Variants in KRT6B observed in about 807,000 individuals in gnomAD.
KRT6B encodes keratin 6B.
A neutral mutation model predicts 44.7 loss-of-function variants in KRT6B; 29 were observed. The observed-to-expected ratio is 0.65, with a 90% CI of 0.48 to 0.88. The LOEUF (loss-of-function observed/expected upper bound fraction) is 0.88, where lower values mean the gene tolerates loss of function less well. KRT6B is among the 40% of genes least tolerant of loss of function. KRT6B has a pLI of 0.00. For missense variants in KRT6B, 600 were observed against 724.0 expected, an observed-to-expected ratio of 0.83 and a Z score of 1.97; for synonymous variants, 213 against 296.0, an observed-to-expected ratio of 0.72 and a Z score of 2.88.
intron 3 of KRT6B, 63 bp downstream of exon 3, chr12:52,449,948 GC>G: frequency 6.2e-7 from 1 of 1,613,880 alleles, no homozygotes; most frequent in Non-Finnish European, 8.5e-7. Context: ...TCCCAGGGGA[GC>G]GAGGACACAG....
intron 4 of KRT6B, 58 bp from the exon 5 acceptor site, chr12:52,449,691 G>A (rs1343235859): frequency 1.9e-6 from 3 of 1,614,172 alleles, no homozygotes; most frequent in Non-Finnish European, 2.5e-6. Context: ...GAGATGCCCA[G>A]CCCTGTACAT....
At chr12:52,447,480 G>T in intron 8 of KRT6B, 55 bp from the exon 9 acceptor site, 1 of 1,614,026 alleles carries the variant, frequency 6.2e-7, no homozygotes, top group Admixed American at 1.7e-5. Flanking sequence ...CATCCTGCCG[G>T]CCTGAGCCCA....
chr12:52,450,979 G>A (rs71455205), intron 1 of KRT6B, among the ~76,000 whole-genome samples: 160 of 151,804 alleles, frequency 1.1e-3, no homozygotes, highest in African/African-American at 3.4e-3. Context: ...TAGTTAGGAG[G>A]GATATTAGAT....
Position 52,448,984 on chromosome 12 carries a change from G to A in KRT6B, c.1078-17C>T, listed in dbSNP as rs764173617. 1.6e-5 allele frequency: 25 copies of A among 1,610,752 alleles called. No individual in the cohort carries two copies. The South Asian group carries it at 2.5e-4, about 16-fold the overall frequency. On this transcript the variant is annotated splice_polypyrimidine_tract_variant and intron_variant, in intron 5 of 8. Transcript: ENST00000252252. ...CTCCTCGTACTGCAGCCCAGAGGTG[G>A]AGAGAGAGACAGTGTCTACGGGTTC... is the stretch of plus-strand genomic sequence containing the variant.
At chr12:52,451,486 C>T (rs1247117227) in intron 1 of KRT6B, 53 bp downstream of exon 1, 36 of 1,613,222 alleles carry the variant, frequency 2.2e-5, no homozygotes, top group East Asian at 6.7e-5. Context: ...AGGTGTTGCT[C>T]TTCTGGTCTG....
In KRT6B at chr12:52,447,772, A is replaced by G; in HGVS notation, c.1424+6T>C. Reference sequence around the variant, plus strand: ...GCTGTTGGAGGAAGTCGCGTCAGTTACCCACCTGCACTCCTCGCCCTCCAG... The same window carrying G: ...GCTGTTGGAGGAAGTCGCGTCAGTTGCCCACCTGCACTCCTCGCCCTCCAG... On this transcript the variant is annotated splice_donor_region_variant and intron_variant, in intron 7 of 8. Coordinates refer to ENST00000252252, the MANE Select transcript of KRT6B (RefSeq NM_005555.4). 2 of 1,614,170 alleles carry G rather than the reference A, an allele frequency of 1.2e-6. No individual in the cohort carries two copies. Among genetic ancestry groups the G allele is most frequent in the Non-Finnish European group, 1.7e-6 (2 of 1,180,032 alleles).
At position 52,449,473 on chromosome 12, in the gene KRT6B, G is replaced by C; in HGVS notation, c.1073C>G (p.Thr358Arg). Residue 358 changes from threonine to arginine, a missense_variant, in exon 5 of 9, where the codon ACA becomes AGA. Physicochemically the swap from Thr to Arg is moderately conservative, Grantham distance 71 (BLOSUM62 -1). Coordinates refer to ENST00000252252, the MANE Select transcript of KRT6B (RefSeq NM_005555.4). Reference sequence around the variant, plus strand: ...GGCTGTCCACTCCGTGCTCACCTTTGTCTGGTACCAGGACTCAGCCTCAGC... The same window carrying C: ...GGCTGTCCACTCCGTGCTCACCTTTCTCTGGTACCAGGACTCAGCCTCAGC... ...SRAEAESWYQ[T>R]KYEELQITAG... The C allele has an allele frequency of 3.7e-6, 6 of 1,614,170 alleles. No homozygotes were observed. The highest frequency in any genetic ancestry group is 2.2e-5 in the East Asian group (1 of 44,874).
chr12:52,450,763 C>T, intron 1 of KRT6B, 143 bp from the exon 2 acceptor site: 3 of 1,322,356 alleles, frequency 2.3e-6, no homozygotes, highest in Non-Finnish European at 3.2e-6. Flanking sequence ...GAGCTCTGCT[C>T]CCCCAACTCC....
intron 7 of KRT6B, 69 bp downstream of exon 7, chr12:52,447,709 A>G (rs2079799338): frequency 1.2e-6 from 2 of 1,613,964 alleles, no homozygotes; most frequent in African/African-American, 2.7e-5. Flanking sequence ...GTGCACCTTA[A>G]AGTTGTGCTC....
At position 52,447,776 on chromosome 12, in the gene KRT6B, A is replaced by C. The variant is rs1396806046; in HGVS notation, c.1424+2T>G. On this transcript the variant is annotated splice_donor_variant, in intron 7 of 8. Coordinates refer to ENST00000252252, the MANE Select transcript of KRT6B (RefSeq NM_005555.4). LOFTEE classifies it high-confidence loss of function. Reference sequence around the variant, plus strand: ...TTGGAGGAAGTCGCGTCAGTTACCCACCTGCACTCCTCGCCCTCCAGCAGC... The same window carrying C: ...TTGGAGGAAGTCGCGTCAGTTACCCCCCTGCACTCCTCGCCCTCCAGCAGC... The C allele has an allele frequency of 1.2e-6, 2 of 1,614,096 alleles. No individual in the cohort carries two copies. The highest frequency in any genetic ancestry group is 2.7e-5 in the African/African-American group (2 of 75,002).
At chr12:52,447,678 G>A (rs1222885521) in intron 7 of KRT6B, 100 bp downstream of exon 7, 11 of 1,613,794 alleles carry the variant, frequency 6.8e-6, no homozygotes, top group African/African-American at 6.7e-5. Context: ...CTCCCAAGAA[G>A]AGCAATTATG....
Position 52,447,816 on chromosome 12 carries a change from G to T in KRT6B, c.1386C>A (p.Ile462=). The T allele has an allele frequency of 6.2e-7, 1 of 1,614,164 alleles. No homozygotes were observed. The highest frequency in any genetic ancestry group is 8.5e-7 in the Non-Finnish European group (1 of 1,180,024). The change falls in exon 7 of 9, where the codon ATC becomes ATA. Residue 462 remains isoleucine, a synonymous_variant. Transcript: ENST00000252252. ...MNVKLALDVE[I]ATYRKLLEGE... ...CCTCCAGCAGCTTGCGGTAGGTGGC[G>T]ATCTCCACATCCAGGGCCAGCTTGA...
rs425827 is a variant in KRT6B, at chr12:52,449,750, T to A, written c.912+8A>T. 7.1e-3 allele frequency: 11,463 copies of A among 1,610,036 alleles called. 453 individuals are homozygous for A. In the African/African-American group the frequency reaches 0.11, roughly 15 times the overall value. ...CAGAGTAAACAGAAGGATGGTGGAG[T>A]TGCTTACTGCATCATACAAGGCTCT... On this transcript the variant is annotated splice_region_variant and intron_variant, in intron 4 of 8. Coordinates refer to ENST00000252252, the MANE Select transcript of KRT6B (RefSeq NM_005555.4).
intron 1 of KRT6B, among the ~76,000 whole-genome samples, chr12:52,450,947 G>T (rs573352889): frequency 6.6e-6 from 1 of 152,208 alleles, no homozygotes; most frequent in Admixed American, 6.5e-5. Context: ...ATTGTACACA[G>T]TTTTTTTTAC....
Position 52,447,893 on chromosome 12 carries a change from C to A in KRT6B, c.1309G>T (p.Ala437Ser). The change falls in exon 7 of 9, where the codon GCC (alanine) becomes TCC (serine). Residue 437 changes from alanine to serine, a missense_variant. Transcript: ENST00000252252. Reference sequence around the variant, plus strand: ...AGCAGCCGGGCCAGGTCCTGCTTGGCCTTCTGCAGGGCATCCTCCAGCCCT... The same window carrying A: ...AGCAGCCGGGCCAGGTCCTGCTTGGACTTCTGCAGGGCATCCTCCAGCCCT... ...LEGLEDALQK[A>S]KQDLARLLKE... The A allele has an allele frequency of 6.2e-7, 1 of 1,614,200 alleles. No individual in the cohort carries two copies. The highest frequency in any genetic ancestry group is 8.5e-7 in the Non-Finnish European group (1 of 1,180,040).
In KRT6B at chr12:52,447,101, G is replaced by A. The variant is rs1159916036; in HGVS notation, c.*89C>T. 1 of 1,548,896 alleles carries A rather than the reference G, an allele frequency of 6.5e-7. No homozygotes were observed. Among genetic ancestry groups the A allele is most frequent in the Non-Finnish European group, 8.8e-7 (1 of 1,133,674 alleles). On this transcript the variant is annotated 3_prime_UTR_variant, in exon 9 of 9. Transcript: ENST00000252252. ...ACCCGGGAGGGCAGGGGAGACTGGA[G>A]GCCAGGGGAGGACAAGCAACCTGAG... is the stretch of plus-strand genomic sequence containing the variant.
rs376429278 is a variant in KRT6B at position 52,447,309 on chromosome 12, C to T, written c.1576G>A (p.Gly526Ser). The T allele has an allele frequency of 9.9e-6, 16 of 1,613,924 alleles. No homozygotes were observed. Among genetic ancestry groups the T allele is most frequent in the Admixed American group, 1.7e-5 (1 of 60,004 alleles). The change falls in exon 9 of 9, where the codon GGC becomes AGC. Residue 526 changes from glycine (G) to serine (S), a missense_variant. Gly to Ser is a moderately conservative substitution (Grantham distance 56, BLOSUM62 0). Around this residue, in one of 4 missense-constraint regions of KRT6B, gnomAD observed 479 missense variants for 454.2 expected, o/e 1.05. Coordinates refer to ENST00000252252, the MANE Select transcript of KRT6B (RefSeq NM_005555.4). ...SYGSGLGVGG[G>S]FSSSSGRATG... ...GCTCTGCCGCTGCTGGAACTAAAGC[C>T]GCCTCCAACGCCAAGACCACTGCCA...
Position 52,447,227 on chromosome 12 carries a change from G to A in KRT6B, c.1658C>T (p.Thr553Ile). Residue 553 changes from threonine to isoleucine, a missense_variant, in exon 9 of 9, where the codon ACC becomes ATC. Thr to Ile is a moderately conservative substitution (Grantham distance 89, BLOSUM62 -1). Around this residue, in one of 4 missense-constraint regions of KRT6B, gnomAD observed 479 missense variants for 454.2 expected, o/e 1.05. Coordinates refer to ENST00000252252, the MANE Select transcript of KRT6B (RefSeq NM_005555.4). ...GGGSSTIKYT[T>I]TSSSSRKSYK... ...GCTCTTCCTGCTGGAGGAGGAGGTGGTGGTGTACTTGATGGTGGAACTGCC... is the reference window on the plus strand; with the variant it reads ...GCTCTTCCTGCTGGAGGAGGAGGTGATGGTGTACTTGATGGTGGAACTGCC... 6.2e-7 allele frequency: 1 copy of A among 1,614,054 alleles called. No homozygotes were observed. Among genetic ancestry groups the A allele is most frequent in the South Asian group, 1.1e-5 (1 of 91,068 alleles).
Position 52,451,401 on chromosome 12 carries a change from C to G in KRT6B, c.540+138G>C, listed in dbSNP as rs1358975947. The G allele has an allele frequency of 9.4e-6, 14 of 1,495,440 alleles. No individual in the cohort carries two copies. The South Asian group carries it at 1.0e-4, about 11-fold the overall frequency. 92.6% of individuals were successfully genotyped at this position (1,495,440 alleles called of 1,614,324 possible). A position where few individuals can be genotyped will look rare whatever the true frequency, so the allele number is the denominator to read the frequency against. ...CCCATCTGTGCTGCCTCCTGTGCAC[C>G]GAGAGCCACCTGCACTCTCTGCAGA... is the stretch of plus-strand genomic sequence containing the variant. On this transcript the variant is annotated intron_variant, in intron 1 of 8. Transcript: ENST00000252252.
Sources: allele counts gnomAD v4.1 joint callset (sites outside exome capture counted in the v4.1 genomes callset), GRCh38; gene constraint gnomAD v4.1.1; regional missense constraint gnomAD v4.1.1; transcripts MANE v1.5; gene names NCBI Gene and HGNC (gene_info 2026-07-23, HGNC 2026-07-21).